Variants in CLNK observed in about 807,000 individuals in gnomAD.
CLNK encodes cytokine-dependent hematopoietic cell linker.
Under a neutral mutation model 68.6 loss-of-function variants are expected in CLNK, and 74 were observed. The ratio of observed to expected loss-of-function variants is 1.08; its 90% CI spans 0.89 to 1.31. The LOEUF is 1.31. CLNK is among the 50% of genes most tolerant of loss of function. CLNK has a pLI of 0.00. For missense variants in CLNK, 553 were observed against 515.3 expected (o/e 1.07, Z -0.71); for synonymous variants, 198 against 172.2 (o/e 1.15, Z -1.17).
At chr4:10,734,834 C>A in the CLNK span, among the ~76,000 whole-genome samples, 1 of 152,144 alleles carries the variant, frequency 6.6e-6, no homozygotes, top group African/African-American at 2.4e-5. Context: ...GCAGCCTGGA[C>A]TCTGCTGGCT....
intron 2 of CLNK, among the ~76,000 whole-genome samples, chr4:10,659,810 T>C (rs1724124745): frequency 6.6e-6 from 1 of 152,204 alleles, no homozygotes; most frequent in Non-Finnish European, 1.5e-5. Context: ...TTCCAAGGGA[T>C]ACATTTTCTA....
intron 2 of CLNK, among the ~76,000 whole-genome samples, chr4:10,655,339 AGAGAGAGAGAGAGAGAG>A (rs1723932611): frequency 2.1e-5 from 1 of 48,204 alleles, no homozygotes; most frequent in East Asian, 7.3e-4. Context: ...AAAGACAGAG[AGAGAGAGAGAGAGAGAG>A]AGAGAGAGAG....
intron 2 of CLNK, among the ~76,000 whole-genome samples, chr4:10,657,228 C>T (rs1560265933): frequency 6.6e-6 from 1 of 152,016 alleles, no homozygotes; most frequent in Non-Finnish European, 1.5e-5. Context: ...ATCTCAAAAC[C>T]CAGCAAAACC....
At chr4:10,546,915 C>A (rs1015217944) in intron 8 of CLNK, among the ~76,000 whole-genome samples, 10 of 152,286 alleles carry the variant, frequency 6.6e-5, no homozygotes, top group Non-Finnish European at 1.3e-4. Context: ...AGTCCTGAGG[C>A]AGTGCAGGGG....
upstream of CLNK, chr4:10,684,879 G>C (rs116634568): frequency 6.6e-6 from 1 of 152,196 alleles, no homozygotes; most frequent in Non-Finnish European, 1.5e-5. Context: ...GACCTGAGAG[G>C]TCTGACCTGA....
intron 2 of CLNK, among the ~76,000 whole-genome samples, chr4:10,654,393 A>ATATATATATATATATATG (rs1408561335): frequency 7.5e-6 from 1 of 133,856 alleles, no homozygotes; most frequent in Non-Finnish European, 1.7e-5. Flanking sequence ...AAATATATAT[A>ATATATATATATATATATG]TATATATATA....
chr4:10,550,627 A>C (rs1411479296), intron 8 of CLNK, among the ~76,000 whole-genome samples: 1 of 152,216 alleles, frequency 6.6e-6, no homozygotes, highest in Non-Finnish European at 1.5e-5. Flanking sequence ...AACCCTATAT[A>C]TCCTATGCTT....
chr4:10,734,351 G>A, the CLNK span, among the ~76,000 whole-genome samples: 260 of 152,254 alleles, frequency 1.7e-3, 1 homozygote, highest in African/African-American at 6.1e-3. Context: ...ACAACATTAT[G>A]GCAAAACTAG....
chr4:10,570,347 C>G (rs1244265786), intron 5 of CLNK, among the ~76,000 whole-genome samples: 1 of 152,066 alleles, frequency 6.6e-6, no homozygotes, highest in Non-Finnish European at 1.5e-5. Flanking sequence ...TAAGAAGAGA[C>G]TTTTGCCCCC....
intron 5 of CLNK, 106 bp from the exon 6 acceptor site, chr4:10,566,256 T>A: frequency 9.3e-7 from 1 of 1,073,962 alleles, no homozygotes; most frequent in Non-Finnish European, 1.3e-6. Context: ...TAGCTGCAAG[T>A]TAAATATTTA....
chr4:10,533,473 GT>G (rs1238688920), intron 11 of CLNK, among the ~76,000 whole-genome samples: 2 of 152,168 alleles, frequency 1.3e-5, no homozygotes, highest in Non-Finnish European at 2.9e-5. Flanking sequence ...TTGATCTAGA[GT>G]TTTAGGAGTC....
At chr4:10,598,126 A>G (rs1221338259) in intron 2 of CLNK, 77 bp from the exon 3 acceptor site, 1 of 943,232 alleles carries the variant, frequency 1.1e-6, no homozygotes, top group Non-Finnish European at 1.6e-6. Context: ...GCATTCATTC[A>G]TAGAAAGAGC....
At chr4:10,553,686 T>C (rs1010744669) in intron 8 of CLNK, among the ~76,000 whole-genome samples, 3 of 152,098 alleles carry the variant, frequency 2.0e-5, no homozygotes, top group African/African-American at 7.2e-5. Flanking sequence ...GCTCCTAACC[T>C]CACGTGATCC....
In CLNK at chr4:10,528,500, C is replaced by T. The variant is rs60767463; in HGVS notation, c.631-406G>A. 4.9e-3 allele frequency among the ~76,000 whole-genome samples: 746 copies of T among 152,270 alleles called. 6 individuals are homozygous for T. The highest frequency in any genetic ancestry group is 0.017 in the African/African-American group (706 of 41,546). On this transcript the variant is annotated intron_variant, in intron 12 of 18. Transcript: ENST00000226951. ...GATGTTCATTGCATCATTACTTTTACAGAGTTAAATCACTGGAAACAATCT... is the reference window on the plus strand; with the variant it reads ...GATGTTCATTGCATCATTACTTTTATAGAGTTAAATCACTGGAAACAATCT...
rs987288660 is a variant in CLNK at position 10,501,351 on chromosome 4, C to G, written c.1045G>C (p.Ala349Pro). Residue 349 changes from alanine to proline, a missense_variant, in exon 18 of 19, where the codon GCT becomes CCT. Coordinates refer to ENST00000226951, the MANE Select transcript of CLNK (RefSeq NM_052964.4). ...TKSKEEPYVLAVFYENKVYNV... is the reference protein window; with the variant it reads ...TKSKEEPYVLPVFYENKVYNV... The stretch of plus-strand genomic sequence containing the variant: ...TAGACTTTGTTCTCATAAAACACAG[C>G]CAAAACATAGGGCTCTTCCTTGGAT... The G allele has an allele frequency of 6.2e-7, 1 of 1,609,820 alleles. No homozygotes were observed. The highest frequency in any genetic ancestry group is 8.5e-7 in the Non-Finnish European group (1 of 1,178,832).
chr4:10,564,978 A>C (rs879582126), intron 6 of CLNK, among the ~76,000 whole-genome samples: 2 of 152,204 alleles, frequency 1.3e-5, no homozygotes, highest in Non-Finnish European at 2.9e-5. Context: ...AAAAAATGCC[A>C]AAGTTTGAAC....
the CLNK span, among the ~76,000 whole-genome samples, chr4:10,728,668 A>G: frequency 2.9e-5 from 4 of 139,042 alleles, no homozygotes; most frequent in African/African-American, 8.2e-5. Flanking sequence ...CATTGGCGCC[A>G]TCTCCCACCT....
intron 16 of CLNK, among the ~76,000 whole-genome samples, chr4:10,509,214 T>C (rs1211154446): frequency 6.6e-6 from 1 of 152,032 alleles, no homozygotes; most frequent in Non-Finnish European, 1.5e-5. Context: ...TGTGGTCCAC[T>C]GGAAAGTAAA....
the CLNK span, among the ~76,000 whole-genome samples, chr4:10,731,469 T>C: frequency 6.6e-6 from 1 of 152,176 alleles, no homozygotes; most frequent in African/African-American, 2.4e-5. Flanking sequence ...GTAATCACAA[T>C]TCTCAGGCTT....
Sources: allele counts gnomAD v4.1 joint callset (sites outside exome capture counted in the v4.1 genomes callset), GRCh38; gene constraint gnomAD v4.1.1; transcripts MANE v1.5; gene names NCBI Gene and HGNC (gene_info 2026-07-23, HGNC 2026-07-21).